TBC1D30: variants seen among roughly 807,000 people sequenced by gnomAD.
The protein encoded by TBC1D30 is TBC1 domain family, member 30.
TBC1D30 carries 31 observed loss-of-function variants against 63.2 expected under a neutral mutation model. The observed-to-expected ratio is 0.49, with a 90% CI of 0.37 to 0.66. The LOEUF is 0.66. Among genes scored for constraint, TBC1D30 ranks in the 30% least tolerant of loss-of-function variants. The pLI is 0.00. For missense variants in TBC1D30, 810 were observed against 953.6 expected (o/e 0.85, Z 1.98); for synonymous variants, 307 against 361.5 (o/e 0.85, Z 1.71).
intron 7 of TBC1D30, 26 bp downstream of exon 7, chr12:64,838,877 G>C: frequency 6.5e-7 from 1 of 1,532,496 alleles, no homozygotes; most frequent in Non-Finnish European, 8.7e-7. Flanking sequence ...CTTCTGCTCT[G>C]TTCTGTGATG....
At chr12:64,765,967 G>A (rs1443185247) in intron 1 of TBC1D30, among the ~76,000 whole-genome samples, 5 of 152,078 alleles carry the variant, frequency 3.3e-5, no homozygotes, top group Non-Finnish European at 7.4e-5. Flanking sequence ...AGCCATGATT[G>A]TGCCACTGCA....
In TBC1D30 at chr12:64,866,803, C is replaced by G; in HGVS notation, c.1191C>G (p.Asp397Glu). 3 of 1,536,508 alleles carry G rather than the reference C, an allele frequency of 2.0e-6. No homozygotes were observed. Among genetic ancestry groups the G allele is most frequent in the Non-Finnish European group, 2.6e-6 (3 of 1,147,002 alleles). The change falls in exon 10 of 12, where the codon GAC (aspartate) becomes GAG (glutamate). Residue 397 changes from aspartate (D) to glutamate (E), a missense_variant. Asp to Glu is a conservative substitution (Grantham distance 45). Around this residue, in one of 4 missense-constraint regions of TBC1D30, gnomAD observed 450 missense variants for 473.0 expected, o/e 0.95. Coordinates refer to ENST00000539867, the MANE Select transcript of TBC1D30 (RefSeq NM_015279.2). Reference protein sequence around the residue: ...SKARDSDEENDPDDEDAVVNA... With the variant: ...SKARDSDEENEPDDEDAVVNA... Reference sequence around the variant, plus strand: ...CCAGAGACAGTGATGAAGAGAATGACCCAGACGATGAGGATGCTGTCGTTA... The same window carrying G: ...CCAGAGACAGTGATGAAGAGAATGAGCCAGACGATGAGGATGCTGTCGTTA...
Position 64,878,562 on chromosome 12 carries a change from G to C in TBC1D30, c.*2774G>C, listed in dbSNP as rs1451755352. On this transcript the variant is annotated 3_prime_UTR_variant, in exon 12 of 12. Coordinates refer to ENST00000539867, the MANE Select transcript of TBC1D30 (RefSeq NM_015279.2). ...GCTGTTTGGGACATTGTATTCCTTTGTTTGTCTCTTGTTGTTCTGAAGGAT... is the reference window on the plus strand; with the variant it reads ...GCTGTTTGGGACATTGTATTCCTTTCTTTGTCTCTTGTTGTTCTGAAGGAT... 2 of 456,480 alleles carry C rather than the reference G, an allele frequency of 4.4e-6. No homozygotes were observed. Among genetic ancestry groups the C allele is most frequent in the Non-Finnish European group, 8.8e-6 (2 of 226,926 alleles). 28.3% of individuals were successfully genotyped at this position (456,480 alleles called of 1,614,324 possible).
chr12:64,791,216 C>G (rs1487958181), intron 2 of TBC1D30, among the ~76,000 whole-genome samples: 1 of 152,008 alleles, frequency 6.6e-6, no homozygotes, highest in African/African-American at 2.4e-5. Flanking sequence ...TTCCATTTGG[C>G]AAATATGTAG....
intron 2 of TBC1D30, among the ~76,000 whole-genome samples, chr12:64,796,400 A>G (rs1422319412): frequency 6.6e-6 from 1 of 152,150 alleles, no homozygotes; most frequent in Non-Finnish European, 1.5e-5. Flanking sequence ...CAGTTATGGC[A>G]AGAGAAAACT....
At position 64,875,883 on chromosome 12, in the gene TBC1D30, A is replaced by G. The variant is rs1472150531; in HGVS notation, c.*95A>G. 7.8e-7 allele frequency: 1 copy of G among 1,280,788 alleles called. No homozygotes were observed. The highest frequency in any genetic ancestry group is 1.5e-5 in the African/African-American group (1 of 66,624). The allele number at this position is 1,280,788 out of a possible 1,614,324, so 79.3% of individuals were successfully genotyped here. A position where few individuals can be genotyped will look rare whatever the true frequency, so the allele number is the denominator to read the frequency against. ...TAAAAGAGTTTTATTTGTCCAGTGA[A>G]AATGAATAGGTTCAGGGATGAGCAA... On this transcript the variant is annotated 3_prime_UTR_variant, in exon 12 of 12. Transcript: ENST00000539867.
intron 2 of TBC1D30, among the ~76,000 whole-genome samples, chr12:64,800,343 A>G (rs1872532147): frequency 6.6e-6 from 1 of 152,188 alleles, no homozygotes; most frequent in African/African-American, 2.4e-5. Flanking sequence ...CCTGAGCACA[A>G]GAGTGATGCG....
Position 64,824,958 on chromosome 12 carries a change from A to G in TBC1D30, c.79A>G (p.Ile27Val), listed in dbSNP as rs1441979023. The G allele has an allele frequency of 1.3e-6, 2 of 1,534,818 alleles. No homozygotes were observed. The highest frequency in any genetic ancestry group is 1.2e-5 in the South Asian group (1 of 83,932). ...GCGGCAGGGCGGCGGCGTGGGCACC[A>G]TCCTGAGCAATGTGCTCAAGAAGCG... ...LKRQGGGVGT[I>V]LSNVLKKRSC... Residue 27 changes from isoleucine to valine, a missense_variant, in exon 1 of 12, where the codon ATC (isoleucine) becomes GTC (valine). Physicochemically the swap from Ile to Val is conservative, Grantham distance 29. Around this residue, in one of 4 missense-constraint regions of TBC1D30, gnomAD observed 272 missense variants for 335.9 expected, o/e 0.81. Transcript: ENST00000539867.
At chr12:64,856,800 A>T (rs773863492) in intron 8 of TBC1D30, among the ~76,000 whole-genome samples, 1 of 152,132 alleles carries the variant, frequency 6.6e-6, no homozygotes, top group Non-Finnish European at 1.5e-5. Flanking sequence ...TGACACTGAA[A>T]CTACAATACA....
At chr12:64,866,459 G>A (rs147397982) in intron 9 of TBC1D30, among the ~76,000 whole-genome samples, 3 of 151,300 alleles carry the variant, frequency 2.0e-5, no homozygotes, top group South Asian at 2.1e-4. Flanking sequence ...TTTTTGAGAC[G>A]GAGTCTTGCT....
upstream of TBC1D30, among the ~76,000 whole-genome samples, chr12:64,777,715 T>C (rs1871124529): frequency 6.6e-6 from 1 of 152,222 alleles, no homozygotes; most frequent in Admixed American, 6.5e-5. Context: ...GCTTTTCCCA[T>C]TAAACTACCA....
At chr12:64,777,235 A>G (rs1436798493), upstream of TBC1D30, among the ~76,000 whole-genome samples, 1 of 152,174 alleles carries the variant, frequency 6.6e-6, no homozygotes, top group East Asian at 1.9e-4. Flanking sequence ...CCTATTCAAC[A>G]TAGTATTGGA....
intron 2 of TBC1D30, among the ~76,000 whole-genome samples, chr12:64,791,694 GTGTT>G (rs1176368661): frequency 1.3e-5 from 2 of 151,100 alleles, no homozygotes; most frequent in Admixed American, 6.6e-5. Context: ...GTGTGTGTGT[GTGTT>G]TGTGTGTGTG....
intron 8 of TBC1D30, among the ~76,000 whole-genome samples, chr12:64,856,201 A>G (rs1211475466): frequency 6.6e-6 from 1 of 152,146 alleles, no homozygotes; most frequent in Non-Finnish European, 1.5e-5. Context: ...CTTTTAAACA[A>G]CCAGATCTTA....
At chr12:64,869,431 C>G (rs567183069) in intron 10 of TBC1D30, among the ~76,000 whole-genome samples, 33 of 152,214 alleles carry the variant, frequency 2.2e-4, no homozygotes, top group African/African-American at 7.7e-4. Flanking sequence ...TTGGTATGTG[C>G]TCTTCTGTCA....
rs1879161280 is a variant in TBC1D30 at position 64,877,352 on chromosome 12, A to C, written c.*1564A>C. 1 of 156,682 alleles carries C rather than the reference A, an allele frequency of 6.4e-6. No homozygotes were observed. The highest frequency in any genetic ancestry group is 1.4e-5 in the Non-Finnish European group (1 of 70,638). The allele number at this position is 156,682 out of a possible 1,614,324, so 9.7% of individuals were successfully genotyped here. A position where few individuals can be genotyped will look rare whatever the true frequency, so the allele number is the denominator to read the frequency against. On this transcript the variant is annotated 3_prime_UTR_variant, in exon 12 of 12. Transcript: ENST00000539867. ...TATTAATTTGAGCTAATGGATTGTTAATTCTGAAACGAAAACTGTAACTGT... is the reference window on the plus strand; with the variant it reads ...TATTAATTTGAGCTAATGGATTGTTCATTCTGAAACGAAAACTGTAACTGT...
At chr12:64,825,280 C>T (rs1208115228) in intron 1 of TBC1D30, 4 of 453,340 alleles carry the variant, frequency 8.8e-6, no homozygotes, top group African/African-American at 4.1e-5. Context: ...CCTCTCCCCG[C>T]GGACCCCCAC....
At chr12:64,870,541 T>A (rs1455076767) in intron 10 of TBC1D30, 61 bp from the exon 11 acceptor site, 1 of 1,373,116 alleles carries the variant, frequency 7.3e-7, no homozygotes, top group East Asian at 2.5e-5. Flanking sequence ...TGTTATCAAT[T>A]TCCATTTACT....
intron 2 of TBC1D30, among the ~76,000 whole-genome samples, chr12:64,816,035 CTTTTT>C (rs11338586): frequency 7.0e-6 from 1 of 143,356 alleles, no homozygotes; most frequent in African/African-American, 2.6e-5. Flanking sequence ...GTTCAGAATA[CTTTTT>C]TTTTTTTTTT....
Sources: gnomAD v4.1 joint callset for allele counts (sites outside exome capture counted in the v4.1 genomes callset) on GRCh38, gnomAD v4.1.1 for gene constraint, gnomAD v4.1.1 regional missense constraint, MANE v1.5 for transcripts, NCBI Gene and HGNC (gene_info 2026-07-23, HGNC 2026-07-21) for gene names.